SLC16A14: variants seen among roughly 807,000 people sequenced by gnomAD.
SLC16A14 encodes monocarboxylate transporter 14.
SLC16A14 carries 14 observed loss-of-function variants against 35.8 expected under a neutral mutation model. The ratio of observed to expected loss-of-function variants is 0.39; its 90% CI spans 0.26 to 0.61. The LOEUF is 0.61. SLC16A14 is among the 20% of genes least tolerant of loss of function. The pLI is 0.51. For missense variants in SLC16A14, 533 were observed against 655.0 expected (o/e 0.81, Z 2.03); for synonymous variants, 248 against 258.9 (o/e 0.96, Z 0.40).
chr2:230,044,562 A>T (rs2077585972), intron 4 of SLC16A14, among the ~76,000 whole-genome samples: 1 of 152,148 alleles, frequency 6.6e-6, no homozygotes, highest in Non-Finnish European at 1.5e-5. Flanking sequence ...CTGGCTTAGA[A>T]GATGGAGCAA....
chr2:230,050,957 C>A (rs1409448290), intron 2 of SLC16A14, among the ~76,000 whole-genome samples: 1 of 152,116 alleles, frequency 6.6e-6, no homozygotes, highest in African/African-American at 2.4e-5. Flanking sequence ...AGATTGAAAC[C>A]AAGCTGAAAA....
In SLC16A14 at chr2:230,046,343, G is replaced by A; in HGVS notation, c.783C>T (p.Asp261=). The A allele has an allele frequency of 1.2e-6, 2 of 1,614,164 alleles. No individual in the cohort carries two copies. Among genetic ancestry groups the A allele is most frequent in the South Asian group, 1.1e-5 (1 of 91,076 alleles). ...GATCGGGGCACTCCTGGGCTTGCAG[G>A]TCGCAGAGGGTCTCCTCGTTCCCGA... The part of the protein sequence containing the change: ...GGLGNEETLC[D]LQAQECPDQA... Residue 261 remains aspartate, a synonymous_variant, in exon 4 of 5, where the codon GAC becomes GAT. Coordinates refer to ENST00000295190, the MANE Select transcript of SLC16A14 (RefSeq NM_152527.5). This position sits in a 1 kb window ranked among gnomAD's most constrained non-coding sequence, Gnocchi z 5.0.
At chr2:230,049,638 G>A (rs2077640675) in intron 3 of SLC16A14, 123 bp downstream of exon 3, 1 of 984,582 alleles carries the variant, frequency 1.0e-6, no homozygotes. Flanking sequence ...GGGTTGGGGT[G>A]AAGTGGGGGG....
chr2:230,045,132 C>T (rs2077593474), intron 4 of SLC16A14, among the ~76,000 whole-genome samples: 1 of 152,204 alleles, frequency 6.6e-6, no homozygotes, highest in South Asian at 2.1e-4. Flanking sequence ...CAGAGGCCAC[C>T]TTCAAATGGG....
In SLC16A14 at chr2:230,036,718, A is replaced by G. The variant is rs1291133202; in HGVS notation, c.*662T>C. 2.0e-5 allele frequency: 3 copies of G among 152,234 alleles called. No homozygotes were observed. The highest frequency in any genetic ancestry group is 4.4e-5 in the Non-Finnish European group (3 of 68,038). 9.4% of individuals were successfully genotyped at this position (152,234 alleles called of 1,614,324 possible). ...AAGGTTTTGTCTCAAGATTCCATTTATAACTGGATAGCACTGAATTAGGAT... is the reference window on the plus strand; with the variant it reads ...AAGGTTTTGTCTCAAGATTCCATTTGTAACTGGATAGCACTGAATTAGGAT... On this transcript the variant is annotated 3_prime_UTR_variant, in exon 5 of 5. Coordinates refer to ENST00000295190, the MANE Select transcript of SLC16A14 (RefSeq NM_152527.5).
intron 1 of SLC16A14, among the ~76,000 whole-genome samples, chr2:230,059,774 C>A (rs910233780): frequency 6.6e-6 from 1 of 152,332 alleles, no homozygotes; most frequent in East Asian, 1.9e-4. Flanking sequence ...GAAGGAAGAT[C>A]TGGCTTCAGG....
rs770395917 is a variant in SLC16A14, at chr2:230,046,395, C to G, written c.731G>C (p.Gly244Ala). 3.1e-6 allele frequency: 5 copies of G among 1,614,222 alleles called. No individual in the cohort carries two copies. The Admixed American group carries it at 8.3e-5, about 27-fold the overall frequency. ...TESVKSTGQQ[G>A]RTEEKDGGLG... ...CCCACCATCCTTCTCTTCTGTTCTT[C>G]CCTGCTGTCCAGTTGACTTCACAGA... Residue 244 changes from glycine to alanine, a missense_variant, in exon 4 of 5, where the codon GGA becomes GCA. Transcript: ENST00000295190. The surrounding 1 kb of genome is among the most constrained non-coding windows in gnomAD (Gnocchi z 5.0).
At chr2:230,060,678 GT>G (rs201226161) in intron 1 of SLC16A14, among the ~76,000 whole-genome samples, 5 of 150,518 alleles carry the variant, frequency 3.3e-5, no homozygotes, top group South Asian at 2.1e-4. Context: ...ATTTTTCATG[GT>G]TTTTTTTGGG....
chr2:230,047,540 C>T (rs1218754848), intron 3 of SLC16A14, among the ~76,000 whole-genome samples: 3 of 152,054 alleles, frequency 2.0e-5, no homozygotes, highest in Non-Finnish European at 4.4e-5. Context: ...CCTGGGCTCA[C>T]GCAATTCACC....
chr2:230,059,661 A>G (rs532241910), intron 1 of SLC16A14, among the ~76,000 whole-genome samples: 2 of 152,332 alleles, frequency 1.3e-5, no homozygotes, highest in African/African-American at 4.8e-5. Context: ...AGTATGGTCA[A>G]TTGGGAAACT....
At chr2:230,049,514 T>C (rs188130900) in intron 3 of SLC16A14, among the ~76,000 whole-genome samples, 96 of 152,318 alleles carry the variant, frequency 6.3e-4, no homozygotes, top group African/African-American at 2.2e-3. Context: ...ACCAGGCATA[T>C]GGAAATATAA....
At chr2:230,040,213 T>A (rs2077549673) in intron 4 of SLC16A14, among the ~76,000 whole-genome samples, 1 of 143,806 alleles carries the variant, frequency 7.0e-6, no homozygotes, top group Admixed American at 7.1e-5. Context: ...TAAATTGAAT[T>A]CATTATTATT....
rs933264565 is a variant in SLC16A14, at chr2:230,046,728, C to T, written c.404-6G>A. 1.9e-6 allele frequency: 3 copies of T among 1,588,714 alleles called. No homozygotes were observed. Among genetic ancestry groups the T allele is most frequent in the African/African-American group, 2.7e-5 (2 of 74,694 alleles). On this transcript the variant is annotated splice_region_variant and splice_polypyrimidine_tract_variant and intron_variant, in intron 3 of 4. Transcript: ENST00000295190. The surrounding 1 kb of genome is among the most constrained non-coding windows in gnomAD (Gnocchi z 5.0). ...GGCCATCCCGCTGCCCAGGCCTGTA[C>T]AGGCCGACGGGGGGAAGAAAAGACA...
At position 230,036,606 on chromosome 2, in the gene SLC16A14, A is replaced by G. The variant is rs1211167508; in HGVS notation, c.*774T>C. On this transcript the variant is annotated 3_prime_UTR_variant, in exon 5 of 5. Coordinates refer to ENST00000295190, the MANE Select transcript of SLC16A14 (RefSeq NM_152527.5). ...ATCTAAGAGGCCAATGATACGAATA[A>G]AAGTGCTTGAATTGTAGCCCTTGAT... 1 of 152,228 alleles carries G rather than the reference A, an allele frequency of 6.6e-6. No homozygotes were observed. 9.4% of individuals were successfully genotyped at this position (152,228 alleles called of 1,614,324 possible).
At chr2:230,054,651 C>T (rs2077690563) in intron 2 of SLC16A14, among the ~76,000 whole-genome samples, 1 of 152,166 alleles carries the variant, frequency 6.6e-6, no homozygotes, top group Non-Finnish European at 1.5e-5. Flanking sequence ...TGGGCACCTC[C>T]CTACCCTTGG....
In SLC16A14 at chr2:230,046,629, G is replaced by T; in HGVS notation, c.497C>A (p.Thr166Lys). ...TAGGAACGTACCGAATCCGGTCCCC[G>T]TGGTGCTGAGGCCCTGGGCGAGGGC... The part of the protein sequence containing the change: ...RRALAQGLST[T>K]GTGFGTFLMT... The change falls in exon 4 of 5, where the codon ACG becomes AAG. Residue 166 changes from threonine to lysine, a missense_variant. By Grantham distance (78) the Thr-to-Lys change is moderately conservative. Transcript: ENST00000295190. The surrounding 1 kb of genome is among the most constrained non-coding windows in gnomAD (Gnocchi z 5.0). The T allele has an allele frequency of 6.2e-7, 1 of 1,611,522 alleles. No homozygotes were observed. Among genetic ancestry groups the T allele is most frequent in the Non-Finnish European group, 8.5e-7 (1 of 1,180,016 alleles).
rs183918181 is a variant in SLC16A14, at chr2:230,036,572, G to A, written c.*808C>T. 2.0e-5 allele frequency: 3 copies of A among 152,296 alleles called. No homozygotes were observed. Among genetic ancestry groups the A allele is most frequent in the Admixed American group, 6.5e-5 (1 of 15,292 alleles). The allele number at this position is 152,296 out of a possible 1,614,324, so 9.4% of individuals were successfully genotyped here. A position where few individuals can be genotyped will look rare whatever the true frequency, so the allele number is the denominator to read the frequency against. On this transcript the variant is annotated 3_prime_UTR_variant, in exon 5 of 5. Coordinates refer to ENST00000295190, the MANE Select transcript of SLC16A14 (RefSeq NM_152527.5). ...AAAAATATTACAGGCCCCACCTCAT[G>A]CTTATATCATCTAAGAGGCCAATGA...
chr2:230,057,490 CA>C (rs1385814851), intron 2 of SLC16A14, among the ~76,000 whole-genome samples: 1 of 151,988 alleles, frequency 6.6e-6, no homozygotes, highest in African/African-American at 2.4e-5. Flanking sequence ...AAAATGCAGC[CA>C]GATGCAGTGG....
At chr2:230,041,771 T>A (rs2077561962) in intron 4 of SLC16A14, among the ~76,000 whole-genome samples, 1 of 152,228 alleles carries the variant, frequency 6.6e-6, no homozygotes, top group Non-Finnish European at 1.5e-5. Flanking sequence ...CTGTTTTTTT[T>A]TAAAAAGAAG....
Sources: gnomAD v4.1 joint callset for allele counts (sites outside exome capture counted in the v4.1 genomes callset) on GRCh38, gnomAD v4.1.1 for gene constraint, Gnocchi (gnomAD v3.1) non-coding constraint, MANE v1.5 for transcripts, NCBI Gene and HGNC (gene_info 2026-07-23, HGNC 2026-07-21) for gene names.